The following ZNF382 variants were observed in gnomAD, a reference collection of about 807,000 sequenced individuals.
ZNF382 encodes the protein KRAB/zinc finger suppressor protein 1.
In ZNF382, 20 loss-of-function variants were observed where a neutral mutation model predicts 38.8. The ratio of observed to expected loss-of-function variants is 0.51; its 90% CI spans 0.36 to 0.75. The LOEUF (loss-of-function observed/expected upper bound fraction) is 0.75. ZNF382 is among the 30% of genes least tolerant of loss of function. The probability of loss-of-function intolerance (pLI) is 0.00; values close to 1 mark genes in which losing one functional copy is unlikely to be tolerated. For missense variants in ZNF382, 546 were observed against 654.1 expected (o/e 0.83, Z 1.80); for synonymous variants, 202 against 223.1 (o/e 0.91, Z 0.84).
chr19:36,616,814 T>A (rs1192147817), intron 4 of ZNF382, among the ~76,000 whole-genome samples: 1 of 152,142 alleles, frequency 6.6e-6, no homozygotes, highest in Admixed American at 6.6e-5. Context: ...TAGTTTCTTT[T>A]GGGGGCCCCT....
chr19:36,610,970 T>C (rs947217605), intron 4 of ZNF382, among the ~76,000 whole-genome samples: 10 of 152,194 alleles, frequency 6.6e-5, no homozygotes, highest in African/African-American at 2.4e-4. Flanking sequence ...ACTGAAGCTC[T>C]GTACCCATGA....
chr19:36,626,251 TA>T lies in ZNF382; in HGVS notation c.358del (p.Thr120HisfsTer4). ...TTAAGGAGAGAAGTAATATTTATGG[TA>T]AAACATTTACTCTAGGCAAGAACCG... ...LIKERSNIYG[K>X]TFTLGKNRIS... On this transcript the variant is annotated frameshift_variant, in exon 5 of 5. Coordinates refer to ENST00000292928, the MANE Select transcript of ZNF382 (RefSeq NM_032825.5). LOFTEE classifies it low-confidence loss of function (END_TRUNC). 1 of 1,609,786 alleles carries T rather than the reference TA, an allele frequency of 6.2e-7. No individual in the cohort carries two copies. The highest frequency in any genetic ancestry group is 8.5e-7 in the Non-Finnish European group (1 of 1,178,904).
At chr19:36,615,704 T>C (rs1236644692) in intron 4 of ZNF382, among the ~76,000 whole-genome samples, 2 of 152,194 alleles carry the variant, frequency 1.3e-5, no homozygotes, top group Non-Finnish European at 2.9e-5. Flanking sequence ...TACATAGGTT[T>C]GTTTGTTTTG....
intron 4 of ZNF382, among the ~76,000 whole-genome samples, chr19:36,618,653 C>T (rs2037144347): frequency 6.6e-6 from 1 of 151,684 alleles, no homozygotes. Context: ...CTTCTGGCTA[C>T]TTTTGGTCAT....
chr19:36,614,742 G>A (rs1378706103), intron 4 of ZNF382, among the ~76,000 whole-genome samples: 1 of 151,918 alleles, frequency 6.6e-6, no homozygotes, highest in East Asian at 1.9e-4. Flanking sequence ...CCTGGCCAAC[G>A]TGGCAAAAAC....
At chr19:36,613,054 G>A (rs1034857385) in intron 4 of ZNF382, among the ~76,000 whole-genome samples, 3 of 152,110 alleles carry the variant, frequency 2.0e-5, no homozygotes, top group Non-Finnish European at 4.4e-5. Context: ...GCCTCCCAAA[G>A]TGCTGGGATT....
rs200327159 is a variant in ZNF382 at position 36,610,771 on chromosome 19, A to T, written c.232+29A>T. The T allele has an allele frequency of 1.1e-4, 161 of 1,527,822 alleles. 1 individual carries two copies. In the African/African-American group the frequency reaches 1.1e-3, roughly 11 times the overall value. 94.6% of individuals were successfully genotyped at this position (1,527,822 alleles called of 1,614,324 possible). On this transcript the variant is annotated intron_variant, in intron 4 of 4. Coordinates refer to ENST00000292928, the MANE Select transcript of ZNF382 (RefSeq NM_032825.5). ...AGTCTATAAATGAAGTCTAGTGAAC[A>T]TTAAATGTCAAGTAGTTGAAGCCTT...
intron 4 of ZNF382, among the ~76,000 whole-genome samples, chr19:36,623,361 T>G (rs1476604884): frequency 6.6e-6 from 1 of 152,194 alleles, no homozygotes; most frequent in African/African-American, 2.4e-5. Context: ...CAATACTGTA[T>G]TATCAAATTG....
chr19:36,624,684 G>A (rs1385807625), intron 4 of ZNF382, among the ~76,000 whole-genome samples: 1 of 152,018 alleles, frequency 6.6e-6, no homozygotes, highest in Non-Finnish European at 1.5e-5. Context: ...AAGTAATTTG[G>A]CAAATTTAAG....
intron 4 of ZNF382, among the ~76,000 whole-genome samples, chr19:36,618,043 AG>A (rs2037139369): frequency 6.6e-6 from 1 of 152,084 alleles, no homozygotes; most frequent in South Asian, 2.1e-4. Flanking sequence ...GTTTTCACCT[AG>A]CCCAGGACAA....
At chr19:36,607,929 G>A (rs1053419022) in intron 2 of ZNF382, 4 of 339,230 alleles carry the variant, frequency 1.2e-5, no homozygotes, top group South Asian at 9.1e-5. Flanking sequence ...GTACCTTCTG[G>A]TTGTACATAT....
At chr19:36,607,058 C>T (rs949421128) in intron 1 of ZNF382, among the ~76,000 whole-genome samples, 4 of 126,198 alleles carry the variant, frequency 3.2e-5, no homozygotes, top group African/African-American at 6.0e-5. Flanking sequence ...GCCTGGGCAA[C>T]AAGAGTGAAA....
At chr19:36,614,326 T>G (rs2037103886) in intron 4 of ZNF382, among the ~76,000 whole-genome samples, 1 of 151,992 alleles carries the variant, frequency 6.6e-6, no homozygotes, top group African/African-American at 2.4e-5. Context: ...GGCAACAGAG[T>G]GAGACTCCAT....
rs766881371 is a variant in ZNF382 at position 36,626,558 on chromosome 19, T to G, written c.661T>G (p.Phe221Val). The change falls in exon 5 of 5, where the codon TTC becomes GTC. Residue 221 changes from phenylalanine to valine, a missense_variant. By Grantham distance (50) the Phe-to-Val change is conservative. Transcript: ENST00000292928. ...PFDHNECEKSFLMKGMLFTHT... is the reference protein window; with the variant it reads ...PFDHNECEKSVLMKGMLFTHT... ...TGACCATAATGAATGTGAAAAATCCTTCCTGATGAAAGGAATGCTATTTAC... is the reference window on the plus strand; with the variant it reads ...TGACCATAATGAATGTGAAAAATCCGTCCTGATGAAAGGAATGCTATTTAC... 1.2e-6 allele frequency: 2 copies of G among 1,613,662 alleles called. No individual in the cohort carries two copies. The highest frequency in any genetic ancestry group is 1.1e-5 in the South Asian group (1 of 90,908).
Position 36,627,681 on chromosome 19 carries a change from A to AACACACAC in ZNF382, c.*153_*160dup, listed in dbSNP as rs10669183. On this transcript the variant is annotated 3_prime_UTR_variant, in exon 5 of 5. Coordinates refer to ENST00000292928, the MANE Select transcript of ZNF382 (RefSeq NM_032825.5). ...TAACCTACTGTTTGCCAGCCTGTAA[A>AACACACAC]ACACACACACACACACACACACACA... is the stretch of plus-strand genomic sequence containing the variant. The AACACACAC allele has an allele frequency of 6.1e-4, 324 of 532,998 alleles. No homozygotes were observed. Among genetic ancestry groups the AACACACAC allele is most frequent in the African/African-American group, 5.1e-3 (260 of 51,344 alleles). The allele number at this position is 532,998 out of a possible 1,614,324, so 33.0% of individuals were successfully genotyped here.
intron 4 of ZNF382, among the ~76,000 whole-genome samples, chr19:36,614,941 C>CCCTTTCCCTTTCCCTTTCCCTTTA (rs2037112645): frequency 7.3e-6 from 1 of 137,286 alleles, no homozygotes; most frequent in Non-Finnish European, 1.6e-5. Flanking sequence ...CTTTCCCTTT[C>CCCTTTCCCTTTCCCTTTCCCTTTA]CCTTTCCCTT....
In ZNF382 at chr19:36,627,372, A is replaced by G. The variant is rs374599712; in HGVS notation, c.1475A>G (p.Asn492Ser). ...HHRIHTGEKS[N>S]GCPQCGKAFS... is the part of the protein sequence containing the mutation. ...AGAATACATACAGGAGAAAAATCCA[A>G]TGGGTGTCCTCAGTGTGGGAAAGCC... Residue 492 changes from asparagine to serine, a missense_variant, in exon 5 of 5, where the codon AAT becomes AGT. By Grantham distance (46) the Asn-to-Ser change is conservative. Transcript: ENST00000292928. 20 of 1,614,052 alleles carry G rather than the reference A, an allele frequency of 1.2e-5. No individual in the cohort carries two copies. Among genetic ancestry groups the G allele is most frequent in the East Asian group, 6.7e-5 (3 of 44,898 alleles).
At chr19:36,625,105 T>TATATATATATAC (rs965308995) in intron 4 of ZNF382, among the ~76,000 whole-genome samples, 6 of 125,616 alleles carry the variant, frequency 4.8e-5, no homozygotes, top group African/African-American at 1.4e-4. Context: ...TATATATATA[T>TATATATATATAC]ATATATATAT....
intron 4 of ZNF382, among the ~76,000 whole-genome samples, chr19:36,613,216 G>C (rs2037092993): frequency 6.6e-6 from 1 of 152,098 alleles, no homozygotes; most frequent in Admixed American, 6.6e-5. Flanking sequence ...ATTTTCCCTA[G>C]TCTATGACTT....
Sources: allele counts gnomAD v4.1 joint callset (sites outside exome capture counted in the v4.1 genomes callset), GRCh38; gene constraint gnomAD v4.1.1; transcripts MANE v1.5; gene names NCBI Gene and HGNC (gene_info 2026-07-23, HGNC 2026-07-21).